DKK2: variants seen among roughly 807,000 people sequenced by gnomAD.
The protein encoded by DKK2 is dickkopf-related protein 2.
DKK2 carries 11 observed loss-of-function variants against 28.1 expected under a neutral mutation model. That is an observed-to-expected ratio of 0.39 (90% CI 0.25 to 0.65). The LOEUF is 0.65. Among genes scored for constraint, DKK2 ranks in the 30% least tolerant of loss-of-function variants. DKK2 has a pLI of 0.47. For synonymous variants in DKK2, 135 were observed against 126.5 expected (o/e 1.07, Z -0.45); for missense variants, 326 against 335.5 (o/e 0.97, Z 0.22).
intron 1 of DKK2, among the ~76,000 whole-genome samples, chr4:106,964,380 G>T (rs1276401868): frequency 6.6e-6 from 1 of 152,112 alleles, no homozygotes; most frequent in East Asian, 1.9e-4. Flanking sequence ...GCAGGATAAA[G>T]AAGACATGGT....
intron 1 of DKK2, among the ~76,000 whole-genome samples, chr4:106,928,592 TAAAGA>T (rs1484402295): frequency 6.6e-6 from 1 of 152,134 alleles, no homozygotes; most frequent in Admixed American, 6.6e-5. Flanking sequence ...ATAAATTGAT[TAAAGA>T]AGAGTATAGG....
intron 1 of DKK2, among the ~76,000 whole-genome samples, chr4:106,997,560 G>A (rs1307596323): frequency 1.3e-5 from 2 of 151,346 alleles, no homozygotes; most frequent in East Asian, 3.9e-4. Context: ...AATTCCCTTA[G>A]AGTTCAACTC....
intron 1 of DKK2, among the ~76,000 whole-genome samples, chr4:107,008,915 G>T (rs576683143): frequency 6.6e-6 from 1 of 151,868 alleles, no homozygotes; most frequent in Non-Finnish European, 1.5e-5. Flanking sequence ...ACATAGAAAC[G>T]TAATCAAAAC....
chr4:106,932,200 T>C (rs1472251443), intron 1 of DKK2, among the ~76,000 whole-genome samples: 1 of 152,188 alleles, frequency 6.6e-6, no homozygotes, highest in African/African-American at 2.4e-5. Context: ...AAATTGGTTT[T>C]TGATACGAAA....
chr4:106,949,991 T>C (rs958259365), intron 1 of DKK2, among the ~76,000 whole-genome samples: 5 of 152,198 alleles, frequency 3.3e-5, no homozygotes, highest in African/African-American at 1.2e-4. Flanking sequence ...TTAAGAGCTT[T>C]ACAGGCAATG....
intron 1 of DKK2, among the ~76,000 whole-genome samples, chr4:106,972,075 T>G (rs1722876413): frequency 6.6e-6 from 1 of 152,082 alleles, no homozygotes; most frequent in African/African-American, 2.4e-5. Context: ...AATGCTGTAA[T>G]AAATCTTTTA....
At chr4:106,931,921 T>G (rs564058580) in intron 1 of DKK2, among the ~76,000 whole-genome samples, 2 of 152,322 alleles carry the variant, frequency 1.3e-5, no homozygotes, top group African/African-American at 4.8e-5. Context: ...ATTCCAAATT[T>G]TACTTATTTG....
intron 1 of DKK2, among the ~76,000 whole-genome samples, chr4:106,984,729 C>G (rs1723090767): frequency 1.3e-5 from 2 of 152,158 alleles, no homozygotes; most frequent in Non-Finnish European, 2.9e-5. Flanking sequence ...GGGTCTGTAG[C>G]CACTTCATTC....
Position 106,973,793 on chromosome 4 carries a change from T to C in DKK2, c.223-47844A>G, listed in dbSNP as rs1722903385. 2.0e-5 allele frequency among the ~76,000 whole-genome samples: 3 copies of C among 152,148 alleles called. No homozygotes were observed. In the South Asian group the frequency reaches 6.2e-4, roughly 32 times the overall value. Reference sequence around the variant, plus strand: ...GTTGCCATTGCTTTTGGTATTTTAGTCATGAAGTCTTTGCCCTTGCCTATG... The same window carrying C: ...GTTGCCATTGCTTTTGGTATTTTAGCCATGAAGTCTTTGCCCTTGCCTATG... On this transcript the variant is annotated intron_variant, in intron 1 of 3. Coordinates refer to ENST00000285311, the MANE Select transcript of DKK2 (RefSeq NM_014421.3).
At chr4:107,003,515 C>A (rs1216617373) in intron 1 of DKK2, among the ~76,000 whole-genome samples, 1 of 152,226 alleles carries the variant, frequency 6.6e-6, no homozygotes, top group Non-Finnish European at 1.5e-5. Context: ...CCAGCATATA[C>A]CTTCATTGCA....
intron 1 of DKK2, among the ~76,000 whole-genome samples, chr4:106,984,003 C>T (rs112904235): frequency 6.6e-6 from 1 of 152,068 alleles, no homozygotes. Context: ...CCTCACACAC[C>T]GCTGAGGGGA....
At chr4:106,999,943 C>T (rs1723335788) in intron 1 of DKK2, among the ~76,000 whole-genome samples, 1 of 151,852 alleles carries the variant, frequency 6.6e-6, no homozygotes, top group Admixed American at 6.6e-5. Flanking sequence ...TGAAATCTCA[C>T]TACAAAAATG....
chr4:106,954,726 T>C (rs565431113), intron 1 of DKK2, among the ~76,000 whole-genome samples: 4 of 152,268 alleles, frequency 2.6e-5, no homozygotes, highest in African/African-American at 9.6e-5. Context: ...TTTCACCATG[T>C]TAGCCAGGAT....
intron 1 of DKK2, among the ~76,000 whole-genome samples, chr4:107,032,962 G>A (rs765327028): frequency 2.6e-5 from 4 of 151,868 alleles, no homozygotes; most frequent in Non-Finnish European, 5.9e-5. Context: ...AAGAATGTTG[G>A]TGACCACATA....
intron 1 of DKK2, among the ~76,000 whole-genome samples, chr4:106,947,756 C>A (rs1724799614): frequency 6.6e-6 from 1 of 150,834 alleles, no homozygotes; most frequent in Non-Finnish European, 1.5e-5. Flanking sequence ...CTCACTGTGA[C>A]CTCGAACTAC....
chr4:106,999,043 G>A (rs910339138), intron 1 of DKK2, among the ~76,000 whole-genome samples: 4 of 152,216 alleles, frequency 2.6e-5, no homozygotes, highest in African/African-American at 9.6e-5. Flanking sequence ...AAATAAAAGG[G>A]GGATTGGCTT....
At chr4:106,967,710 A>T (rs554925483) in intron 1 of DKK2, among the ~76,000 whole-genome samples, 1 of 152,106 alleles carries the variant, frequency 6.6e-6, no homozygotes, top group South Asian at 2.1e-4. Flanking sequence ...TTTGTTAGGA[A>T]AAAGAAGGAA....
intron 1 of DKK2, among the ~76,000 whole-genome samples, chr4:107,029,349 G>T (rs1723842249): frequency 6.6e-6 from 1 of 152,048 alleles, no homozygotes; most frequent in African/African-American, 2.4e-5. Context: ...GGTGTGACTT[G>T]TACACATTGT....
intron 1 of DKK2, 103 bp downstream of exon 1, chr4:107,035,267 G>A: frequency 1.5e-6 from 2 of 1,354,912 alleles, no homozygotes; most frequent in Non-Finnish European, 2.0e-6. Context: ...TCTGTATCTG[G>A]GGCCACGCTC....
Sources: allele counts gnomAD v4.1 joint callset (sites outside exome capture counted in the v4.1 genomes callset), GRCh38; gene constraint gnomAD v4.1.1; transcripts MANE v1.5; gene names NCBI Gene and HGNC (gene_info 2026-07-23, HGNC 2026-07-21).